Variants in CORO2B observed in about 807,000 individuals in gnomAD.
The protein encoded by CORO2B is coronin 2B, also known as coronin-2B.
CORO2B carries 26 observed loss-of-function variants against 58.8 expected under a neutral mutation model. The observed-to-expected ratio is 0.44, with a 90% CI of 0.32 to 0.61. The LOEUF (loss-of-function observed/expected upper bound fraction) is 0.61, where lower values mean the gene tolerates loss of function less well. CORO2B is among the 20% of genes least tolerant of loss of function. CORO2B has a pLI of 0.04. For missense variants in CORO2B, 460 were observed against 645.1 expected, an observed-to-expected ratio of 0.71 and a Z score of 3.11; for synonymous variants, 242 against 253.8, an observed-to-expected ratio of 0.95 and a Z score of 0.44.
chr15:68,599,871 G>A (rs1224134562), intron 1 of CORO2B, among the ~76,000 whole-genome samples: 1 of 152,226 alleles, frequency 6.6e-6, no homozygotes, highest in Non-Finnish European at 1.5e-5. Context: ...TATTAGCCAG[G>A]CTCTGTGGGC....
chr15:68,674,796 A>G (rs4777081), intron 2 of CORO2B, among the ~76,000 whole-genome samples: 147,597 of 152,292 alleles, frequency 0.97, 71,703 homozygotes, highest in East Asian at 1. Context: ...CCTTTCCACC[A>G]GTGCCCTCAT....
chr15:68,556,735 C>T, the CORO2B span, among the ~76,000 whole-genome samples: 27 of 152,192 alleles, frequency 1.8e-4, no homozygotes, highest in Non-Finnish European at 3.2e-4. Context: ...TCTTCTCCCC[C>T]TCCCAGATCT....
At chr15:68,688,010 C>T (rs1903044064) in intron 2 of CORO2B, among the ~76,000 whole-genome samples, 1 of 152,192 alleles carries the variant, frequency 6.6e-6, no homozygotes, top group Non-Finnish European at 1.5e-5. Context: ...TAGCACCCTC[C>T]AGACCATCCA....
chr15:68,693,422 G>A (rs913915081), intron 2 of CORO2B, among the ~76,000 whole-genome samples: 11 of 152,228 alleles, frequency 7.2e-5, no homozygotes, highest in African/African-American at 2.7e-4. Flanking sequence ...GAATCTGAAG[G>A]AGACAGCGGT....
chr15:68,642,323 C>A (rs1329061733), intron 1 of CORO2B, among the ~76,000 whole-genome samples: 1 of 152,130 alleles, frequency 6.6e-6, no homozygotes, highest in Non-Finnish European at 1.5e-5. Context: ...TTCTTGTGAC[C>A]CTTCCCCTTG....
chr15:68,673,765 A>T (rs1382969882), intron 2 of CORO2B, among the ~76,000 whole-genome samples: 2 of 144,244 alleles, frequency 1.4e-5, no homozygotes, highest in African/African-American at 5.1e-5. Flanking sequence ...TGAACGGGGG[A>T]GACAGAGTTT....
intron 1 of CORO2B, among the ~76,000 whole-genome samples, chr15:68,602,445 A>ACT (rs1900009152): frequency 6.6e-6 from 1 of 150,984 alleles, no homozygotes. Flanking sequence ...ACACACACAC[A>ACT]CACACGTTTT....
At chr15:68,585,506 G>A (rs1225121124) in intron 1 of CORO2B, among the ~76,000 whole-genome samples, 1 of 152,170 alleles carries the variant, frequency 6.6e-6, no homozygotes, top group Non-Finnish European at 1.5e-5. Context: ...GTAGGTGAAC[G>A]GCTCAAGGTC....
chr15:68,634,336 T>C (rs1473370682), intron 1 of CORO2B, among the ~76,000 whole-genome samples: 1 of 152,194 alleles, frequency 6.6e-6, no homozygotes, highest in Non-Finnish European at 1.5e-5. Context: ...GCCGGCAGGG[T>C]GGTTGTCAGG....
intron 2 of CORO2B, among the ~76,000 whole-genome samples, chr15:68,687,896 G>T (rs1041574898): frequency 1.3e-5 from 2 of 152,172 alleles, no homozygotes; most frequent in Admixed American, 6.5e-5. Context: ...ATGCATGAGG[G>T]CACAGCCCTC....
intron 11 of CORO2B, among the ~76,000 whole-genome samples, chr15:68,719,768 C>T (rs1028255588): frequency 5.3e-5 from 8 of 152,326 alleles, no homozygotes; most frequent in South Asian, 2.1e-4. Flanking sequence ...ACCACCCCCA[C>T]GCCTCAAATT....
the CORO2B span, among the ~76,000 whole-genome samples, chr15:68,545,608 G>A: frequency 3.1e-5 from 4 of 130,712 alleles, no homozygotes; most frequent in African/African-American, 8.6e-5. Context: ...AGGAATGCGG[G>A]GGGCGGGGGG....
the CORO2B span, among the ~76,000 whole-genome samples, chr15:68,555,385 G>C: frequency 6.6e-6 from 1 of 152,178 alleles, no homozygotes. Flanking sequence ...GAGAGAATGA[G>C]CTCCCCACTC....
chr15:68,648,194 A>G (rs1320819026), intron 2 of CORO2B, among the ~76,000 whole-genome samples: 1 of 150,724 alleles, frequency 6.6e-6, no homozygotes. Context: ...TTAGCTGGGC[A>G]TGATGGCATG....
chr15:68,714,691 G>A, intron 7 of CORO2B, 28 bp downstream of exon 7: 1 of 1,568,394 alleles, frequency 6.4e-7, no homozygotes, highest in Non-Finnish European at 8.8e-7. Context: ...AGGGCCCGGG[G>A]CAGCCTGTGG....
chr15:68,565,168 T>C, the CORO2B span, among the ~76,000 whole-genome samples: 1 of 152,208 alleles, frequency 6.6e-6, no homozygotes, highest in African/African-American at 2.4e-5. Flanking sequence ...TTAATTTTTA[T>C]GTCATCCACA....
chr15:68,661,178 A>G (rs1028441369), intron 2 of CORO2B, among the ~76,000 whole-genome samples: 7 of 152,022 alleles, frequency 4.6e-5, no homozygotes, highest in Admixed American at 1.3e-4. Flanking sequence ...GGGTTTCACC[A>G]TGTTGGCCAG....
rs192723606 is a variant in CORO2B at position 68,611,473 on chromosome 15, C to T, written c.15+32196C>T. ...TGATATTACAACATGGCATCAGGAG[C>T]GTTTCCCCATTGTATTATTTATACC... On this transcript the variant is annotated intron_variant, in intron 1 of 11. Transcript: ENST00000261861. Among the ~76,000 whole-genome samples, 116 of 152,140 alleles carry T rather than the reference C, an allele frequency of 7.6e-4. 1 individual carries two copies. Among genetic ancestry groups the T allele is most frequent in the Non-Finnish European group, 1.3e-3 (91 of 68,008 alleles).
At chr15:68,723,870 T>C (rs1318262001) in intron 11 of CORO2B, among the ~76,000 whole-genome samples, 1 of 152,080 alleles carries the variant, frequency 6.6e-6, no homozygotes, top group Non-Finnish European at 1.5e-5. Context: ...AGCCCAGGAG[T>C]TTGAGTCCAG....
Sources: allele counts gnomAD v4.1 joint callset (sites outside exome capture counted in the v4.1 genomes callset), GRCh38; gene constraint gnomAD v4.1.1; transcripts MANE v1.5; gene names NCBI Gene and HGNC (gene_info 2026-07-23, HGNC 2026-07-21).